Variants in LRRC66 observed in about 807,000 individuals in gnomAD.
LRRC66 encodes leucine-rich repeat-containing protein 66.
Under a neutral mutation model 24.6 loss-of-function variants are expected in LRRC66, and 29 were observed. The observed-to-expected ratio is 1.18, with a 90% CI of 0.88 to 1.61. The LOEUF is 1.61. LRRC66 is among the 40% of genes most tolerant of loss of function. The probability of loss-of-function intolerance (pLI) is 0.00; values close to 1 mark genes in which losing one functional copy is unlikely to be tolerated. For synonymous variants in LRRC66, 411 were observed against 397.6 expected (o/e 1.03, Z -0.40); for missense variants, 1,124 against 1,058.0 (o/e 1.06, Z -0.87).
At chr4:52,014,374 T>A (rs981863945) in intron 2 of LRRC66, among the ~76,000 whole-genome samples, 52 of 152,366 alleles carry the variant, frequency 3.4e-4, no homozygotes, top group African/African-American at 1.1e-3. Flanking sequence ...GCAAGGTAAA[T>A]CTTCAGACAA....
At chr4:52,017,785 A>G (rs928157881) in intron 1 of LRRC66, 167 bp from the exon 2 acceptor site, 14 of 985,308 alleles carry the variant, frequency 1.4e-5, no homozygotes, top group Non-Finnish European at 1.4e-5. Context: ...TGTAGCTACC[A>G]AAATGAAATA....
chr4:51,998,431 G>A (rs1736373518), intron 3 of LRRC66, among the ~76,000 whole-genome samples: 2 of 152,084 alleles, frequency 1.3e-5, no homozygotes. Context: ...TATTTTTCTG[G>A]TAGAGATGAA....
intron 4 of LRRC66, among the ~76,000 whole-genome samples, chr4:51,997,059 C>A (rs1313928357): frequency 1.3e-5 from 2 of 152,142 alleles, no homozygotes; most frequent in Non-Finnish European, 2.9e-5. Context: ...GAATGGCAGT[C>A]CTGAATAGAA....
rs1242067248 is a variant in LRRC66, at chr4:51,994,326, A to G, written c.*53T>C. Reference sequence around the variant, plus strand: ...AAGGCTTTAGTTTTCCCCTGCCATGATCTTTAAAAGAATATTGTTTAGAGC... The same window carrying G: ...AAGGCTTTAGTTTTCCCCTGCCATGGTCTTTAAAAGAATATTGTTTAGAGC... On this transcript the variant is annotated 3_prime_UTR_variant, in exon 5 of 5. Coordinates refer to ENST00000682860, the MANE Select transcript of LRRC66 (RefSeq NM_001024611.3). 2.0e-6 allele frequency: 3 copies of G among 1,489,678 alleles called. No homozygotes were observed. The highest frequency in any genetic ancestry group is 1.8e-6 in the Non-Finnish European group (2 of 1,104,998). 92.3% of individuals were successfully genotyped at this position (1,489,678 alleles called of 1,614,324 possible).
chr4:52,013,280 T>A (rs1736738660), intron 2 of LRRC66, among the ~76,000 whole-genome samples: 1 of 152,236 alleles, frequency 6.6e-6, no homozygotes, highest in Non-Finnish European at 1.5e-5. Flanking sequence ...TGTATTTTTT[T>A]TAATTCCCCC....
At chr4:51,997,598 A>G in intron 4 of LRRC66, 150 bp downstream of exon 4, 1 of 658,516 alleles carries the variant, frequency 1.5e-6, no homozygotes, top group East Asian at 2.6e-5. Context: ...GACACCAATG[A>G]TTTTTCTATG....
chr4:52,014,059 G>C (rs570016846), intron 2 of LRRC66, among the ~76,000 whole-genome samples: 10 of 152,308 alleles, frequency 6.6e-5, no homozygotes, highest in African/African-American at 1.9e-4. Flanking sequence ...TTCGAGACCA[G>C]CCTGACCAAC....
chr4:52,017,325 T>A lies in LRRC66; in HGVS notation c.289A>T (p.Ile97Leu), dbSNP rs776613461. 6.2e-6 allele frequency: 10 copies of A among 1,605,878 alleles called. No homozygotes were observed. Among genetic ancestry groups the A allele is most frequent in the Non-Finnish European group, 7.7e-6 (9 of 1,172,870 alleles). The change falls in exon 2 of 5, where the codon ATA becomes TTA. Residue 97 changes from isoleucine (I) to leucine (L), a missense_variant. Coordinates refer to ENST00000682860, the MANE Select transcript of LRRC66 (RefSeq NM_001024611.3). The part of the protein sequence containing the change: ...IKHLDLSNNL[I>L]SKITLSPFAY... ...AAAGGGCTTAAGGTTATTTTTGATA[T>A]GAGATTGTTACTGAGGTCCAGATGT...
intron 1 of LRRC66, chr4:52,018,653 T>C (rs1736874286): frequency 1.1e-6 from 1 of 945,662 alleles, no homozygotes; most frequent in Non-Finnish European, 1.3e-6. Flanking sequence ...ATTTCCTATA[T>C]TATTCCTTCA....
chr4:52,010,475 T>G (rs1167269566), intron 2 of LRRC66, among the ~76,000 whole-genome samples: 1 of 152,162 alleles, frequency 6.6e-6, no homozygotes, highest in East Asian at 1.9e-4. Flanking sequence ...GTCTCCCTCC[T>G]CCCACACTCC....
At chr4:51,996,530 T>C (rs556437769) in intron 4 of LRRC66, among the ~76,000 whole-genome samples, 6 of 152,282 alleles carry the variant, frequency 3.9e-5, no homozygotes, top group South Asian at 4.1e-4. Flanking sequence ...CAGCTGGGAC[T>C]ATAGGTGTGA....
At position 51,994,848 on chromosome 4, in the gene LRRC66, G is replaced by A. The variant is rs752235524; in HGVS notation, c.2174C>T (p.Thr725Ile). 5.0e-6 allele frequency: 8 copies of A among 1,614,112 alleles called. No individual in the cohort carries two copies. The African/African-American group carries it at 5.3e-5, about 11-fold the overall frequency. ...CTCCTCATCAGGCACTGCCTCTTCA[G>A]TCTTGCTCCTTGCACTCTCTGAACT... The part of the protein sequence containing the change: ...SISSESARSK[T>I]EEAVPDEESL... Residue 725 changes from threonine to isoleucine, a missense_variant, in exon 5 of 5, where the codon ACT (threonine) becomes ATT (isoleucine). Physicochemically the swap from Thr to Ile is moderately conservative, Grantham distance 89. Transcript: ENST00000682860.
At chr4:52,016,982 C>T (rs1695785982) in intron 2 of LRRC66, 136 bp downstream of exon 2, 1 of 954,204 alleles carries the variant, frequency 1.0e-6, no homozygotes, top group South Asian at 1.9e-5. Context: ...CACTAAGAAA[C>T]ATTATTATAT....
rs201622704 is a variant in LRRC66 at position 51,994,657 on chromosome 4, G to C, written c.2365C>G (p.His789Asp). The part of the protein sequence containing the change: ...SAPDSGMYKT[H>D]LENASDTDRS... ...TCAGTGTCAGAGGCATTTTCCAGAT[G>C]AGTCTTGTACATGCCAGAGTCTGGA... Residue 789 changes from histidine (H) to aspartate (D), a missense_variant, in exon 5 of 5, where the codon CAT (histidine) becomes GAT (aspartate). Coordinates refer to ENST00000682860, the MANE Select transcript of LRRC66 (RefSeq NM_001024611.3). The C allele has an allele frequency of 3.9e-5, 63 of 1,614,072 alleles. No individual in the cohort carries two copies. The highest frequency in any genetic ancestry group is 4.7e-5 in the Non-Finnish European group (56 of 1,180,036).
chr4:51,994,220 C>T lies in LRRC66; in HGVS notation c.*159G>A. On this transcript the variant is annotated 3_prime_UTR_variant, in exon 5 of 5. Coordinates refer to ENST00000682860, the MANE Select transcript of LRRC66 (RefSeq NM_001024611.3). The stretch of plus-strand genomic sequence containing the variant: ...ATAACCCTTCTAGAATCATCGCCCT[C>T]AAGTGGGCCCACAAAACCCTCATTT... The T allele has an allele frequency of 1.5e-6, 1 of 671,364 alleles. No homozygotes were observed. Among genetic ancestry groups the T allele is most frequent in the Non-Finnish European group, 2.5e-6 (1 of 404,694 alleles). The allele number at this position is 671,364 out of a possible 1,614,324, so 41.6% of individuals were successfully genotyped here.
chr4:52,016,723 T>C (rs577844690), intron 2 of LRRC66, among the ~76,000 whole-genome samples: 4 of 152,290 alleles, frequency 2.6e-5, no homozygotes, highest in Admixed American at 2.6e-4. Flanking sequence ...AGAAAAATAT[T>C]ATAATATGGC....
intron 1 of LRRC66, among the ~76,000 whole-genome samples, chr4:52,019,772 A>G (rs768994180): frequency 6.6e-6 from 1 of 152,234 alleles, no homozygotes; most frequent in Non-Finnish European, 1.5e-5. Context: ...CACCATTCAC[A>G]GGTACATTAC....
chr4:51,994,218 C>A lies in LRRC66; in HGVS notation c.*161G>T. Reference sequence around the variant, plus strand: ...TTATAACCCTTCTAGAATCATCGCCCTCAAGTGGGCCCACAAAACCCTCAT... The same window carrying A: ...TTATAACCCTTCTAGAATCATCGCCATCAAGTGGGCCCACAAAACCCTCAT... On this transcript the variant is annotated 3_prime_UTR_variant, in exon 5 of 5. Transcript: ENST00000682860. 1.5e-6 allele frequency: 1 copy of A among 666,132 alleles called. No homozygotes were observed. The highest frequency in any genetic ancestry group is 2.5e-6 in the Non-Finnish European group (1 of 400,450). 41.3% of individuals were successfully genotyped at this position (666,132 alleles called of 1,614,324 possible).
Position 52,006,696 on chromosome 4 carries a change from T to TATA in LRRC66, c.497-3307_497-3305dup, listed in dbSNP as rs71660471. ...TGCACATGTACCCTAAAACTTAAAG[T>TATA]ATAATAATAATAATAATAATAATAA... On this transcript the variant is annotated intron_variant, in intron 2 of 4. Transcript: ENST00000682860. 1.5e-3 allele frequency among the ~76,000 whole-genome samples: 201 copies of TATA among 132,828 alleles called. 1 individual carries two copies. The highest frequency in any genetic ancestry group is 3.8e-3 in the Middle Eastern group (1 of 264). 87.1% of individuals were successfully genotyped at this position (132,828 alleles called of 152,430 possible). A position where few individuals can be genotyped will look rare whatever the true frequency, so the allele number is the denominator to read the frequency against.
Sources: gnomAD v4.1 joint callset for allele counts (sites outside exome capture counted in the v4.1 genomes callset) on GRCh38, gnomAD v4.1.1 for gene constraint, MANE v1.5 for transcripts, NCBI Gene and HGNC (gene_info 2026-07-23, HGNC 2026-07-21) for gene names.